Variants in LMF1 observed in about 807,000 individuals in gnomAD.
LMF1 encodes the protein lipase maturation factor 1.
A neutral mutation model predicts 60.6 loss-of-function variants in LMF1; 68 were observed. The observed-to-expected ratio is 1.12, with a 90% CI of 0.92 to 1.37. The LOEUF (loss-of-function observed/expected upper bound fraction) is 1.37, where lower values mean the gene tolerates loss of function less well. Ranked by LOEUF, LMF1 falls within the 40% of genes most tolerant of loss-of-function variation. The pLI is 0.00. For synonymous variants in LMF1, 418 were observed against 324.7 expected (o/e 1.29, Z -3.09); for missense variants, 948 against 767.2 (o/e 1.24, Z -2.78).
At chr16:888,049 C>T (rs1405918668) in intron 5 of LMF1, among the ~76,000 whole-genome samples, 4 of 152,232 alleles carry the variant, frequency 2.6e-5, no homozygotes, top group East Asian at 3.9e-4. Flanking sequence ...GTGCCCGTCA[C>T]GGGGCCTGTC....
At chr16:947,588 G>A (rs769237282) in intron 2 of LMF1, 34 of 456,000 alleles carry the variant, frequency 7.5e-5, no homozygotes, top group Non-Finnish European at 1.3e-4. Flanking sequence ...TCCCGCCACA[G>A]GAAGGAGGAC....
intron 6 of LMF1, among the ~76,000 whole-genome samples, chr16:876,676 G>A (rs1380701702): frequency 6.6e-6 from 1 of 151,760 alleles, no homozygotes; most frequent in African/African-American, 2.4e-5. Context: ...GTGGCTTGGG[G>A]CGGACAGAGG....
Position 954,363 on chromosome 16 carries a change from T to A in LMF1, c.497A>T (p.His166Leu), listed in dbSNP as rs761389802. 3 of 1,611,670 alleles carry A rather than the reference T, an allele frequency of 1.9e-6. No individual in the cohort carries two copies. The South Asian group carries it at 3.3e-5, about 18-fold the overall frequency. ...CCCCATTCCTGCTACTCACCAGACA[T>A]GGCCCACATTAACCAGGGACATGTA... Reference protein sequence around the residue: ...GLYMSLVNVGHVWYSFGWESQ... With the variant: ...GLYMSLVNVGLVWYSFGWESQ... Residue 166 changes from histidine (H) to leucine (L), a missense_variant, in exon 2 of 11, where the codon CAT becomes CTT. Coordinates refer to ENST00000262301, the MANE Select transcript of LMF1 (RefSeq NM_022773.4).
At chr16:858,778 G>C (rs1242873285) in intron 10 of LMF1, among the ~76,000 whole-genome samples, 3 of 97,432 alleles carry the variant, frequency 3.1e-5, no homozygotes, top group East Asian at 2.8e-4. Context: ...CGGGTGTGCA[G>C]TGGTGTCACG....
upstream of LMF1, chr16:971,094 A>G (rs1426691432): frequency 2.7e-5 from 29 of 1,075,118 alleles, no homozygotes; most frequent in Non-Finnish European, 3.3e-5. Context: ...CCCCACCCAC[A>G]CCCCGGGAGG....
At chr16:872,329 ATCGACG>A (rs755312587) in intron 6 of LMF1, 5 of 152,196 alleles carry the variant, frequency 3.3e-5, no homozygotes, top group Non-Finnish European at 5.9e-5. Context: ...GGGCAGGGAC[ATCGACG>A]TCTAATGAAG....
intron 6 of LMF1, among the ~76,000 whole-genome samples, chr16:875,088 G>C (rs1319641145): frequency 1.3e-5 from 2 of 152,140 alleles, no homozygotes. Context: ...CCTCGTCCTG[G>C]ACACAGTGTG....
chr16:893,022 C>T lies in LMF1; in HGVS notation c.714G>A (p.Met238Ile), dbSNP rs1475433901. The part of the protein sequence containing the change: ...GDRCWRDLTC[M>I]DFHYETQPMP... Reference sequence around the variant, plus strand: ...GCACGCTCACCTCATAGTGGAAGTCCATGCAGGTGAGGTCTCGCCAGCACC... The same window carrying T: ...GCACGCTCACCTCATAGTGGAAGTCTATGCAGGTGAGGTCTCGCCAGCACC... The change falls in exon 5 of 11, where the codon ATG becomes ATA. Residue 238 changes from methionine to isoleucine, a missense_variant. Transcript: ENST00000262301. 5 of 1,550,746 alleles carry T rather than the reference C, an allele frequency of 3.2e-6. No homozygotes were observed. The highest frequency in any genetic ancestry group is 3.5e-6 in the Non-Finnish European group (4 of 1,147,118).
upstream of LMF1, among the ~76,000 whole-genome samples, chr16:975,453 C>T (rs531778475): frequency 1.1e-4 from 16 of 152,318 alleles, no homozygotes; most frequent in South Asian, 6.2e-4. Context: ...CACCGTGTAG[C>T]GGTCACCGAC....
chr16:914,637 C>CTCCT (rs2071224768), intron 3 of LMF1, among the ~76,000 whole-genome samples: 1 of 3,218 alleles, frequency 3.1e-4, no homozygotes, highest in Non-Finnish European at 7.8e-4. Context: ...TGGTGACACA[C>CTCCT]TCCCTCCCTC....
intron 2 of LMF1, among the ~76,000 whole-genome samples, chr16:951,344 C>G (rs570040360): frequency 6.6e-6 from 1 of 152,086 alleles, no homozygotes; most frequent in Non-Finnish European, 1.5e-5. Context: ...TCAGAGACAA[C>G]GACAGAGTCA....
At chr16:879,365 C>T (rs2070091683) in intron 6 of LMF1, among the ~76,000 whole-genome samples, 1 of 152,152 alleles carries the variant, frequency 6.6e-6, no homozygotes, top group Non-Finnish European at 1.5e-5. Flanking sequence ...TTGGAGGAAG[C>T]CTGGGAAGGA....
At chr16:956,121 A>G (rs76635108) in intron 1 of LMF1, among the ~76,000 whole-genome samples, 4 of 66,436 alleles carry the variant, frequency 6.0e-5, no homozygotes, top group African/African-American at 3.9e-4. Flanking sequence ...CCCACCCCAC[A>G]ATGGCACTGT....
At chr16:889,444 G>A (rs1417174960) in intron 5 of LMF1, among the ~76,000 whole-genome samples, 5 of 152,176 alleles carry the variant, frequency 3.3e-5, no homozygotes, top group Admixed American at 6.5e-5. Context: ...GGGGAGAGAA[G>A]TCTGCACACT....
chr16:944,646 T>C (rs891323112), intron 2 of LMF1, among the ~76,000 whole-genome samples: 1 of 152,240 alleles, frequency 6.6e-6, no homozygotes, highest in African/African-American at 2.4e-5. Flanking sequence ...CACCTGCCAC[T>C]CTGCCATGGA....
At position 922,631 on chromosome 16, in the gene LMF1, C is replaced by T. The variant is rs549440288; in HGVS notation, c.515-11552G>A. Among the ~76,000 whole-genome samples, 23 of 119,826 alleles carry T rather than the reference C, an allele frequency of 1.9e-4. 1 individual carries two copies. Among genetic ancestry groups the T allele is most frequent in the East Asian group, 1.8e-3 (8 of 4,490 alleles). The allele number at this position is 119,826 out of a possible 152,430, so 78.6% of individuals were successfully genotyped here. On this transcript the variant is annotated intron_variant, in intron 3 of 10. Transcript: ENST00000262301. ...GATGTGGTGTTGGTGCGTGTTGTTG[C>T]GAAGGCCCTGTGTGAAAGTCGCCTG...
intron 3 of LMF1, among the ~76,000 whole-genome samples, chr16:928,748 CACGCCCCCACGGGCCCATCCCT>C (rs1446405150): frequency 1.3e-5 from 2 of 151,654 alleles, no homozygotes; most frequent in Non-Finnish European, 2.9e-5. Flanking sequence ...GGCCCATCCC[CACGCCCCCACGGGCCCATCCCT>C]ACACCCCCAT....
intron 4 of LMF1, among the ~76,000 whole-genome samples, chr16:910,595 A>G (rs1010121804): frequency 6.6e-6 from 1 of 152,102 alleles, no homozygotes; most frequent in Non-Finnish European, 1.5e-5. Flanking sequence ...CACTCCGGGA[A>G]GCAAAGGAGG....
intron 5 of LMF1, among the ~76,000 whole-genome samples, chr16:889,036 G>A (rs931610234): frequency 2.6e-5 from 4 of 152,322 alleles, no homozygotes; most frequent in African/African-American, 4.8e-5. Context: ...ATGCATCCCC[G>A]GTGTCTCATG....
Sources: allele counts gnomAD v4.1 joint callset (sites outside exome capture counted in the v4.1 genomes callset), GRCh38; gene constraint gnomAD v4.1.1; transcripts MANE v1.5; gene names NCBI Gene and HGNC (gene_info 2026-07-23, HGNC 2026-07-21).